NUBPL: variants seen among roughly 807,000 people sequenced by gnomAD.
The protein encoded by NUBPL is NUBP iron-sulfur cluster assembly factor, mitochondrial.
In NUBPL, 31 loss-of-function variants were observed where a neutral mutation model predicts 45.7. That is an observed-to-expected ratio of 0.68 (90% CI 0.51 to 0.92). The LOEUF (loss-of-function observed/expected upper bound fraction) is 0.92, where lower values mean the gene tolerates loss of function less well. NUBPL is among the 40% of genes least tolerant of loss of function. NUBPL has a pLI of 0.00. For synonymous variants in NUBPL, 144 were observed against 140.9 expected, an observed-to-expected ratio of 1.02 and a Z score of -0.15; for missense variants, 401 against 398.7, an observed-to-expected ratio of 1.01 and a Z score of -0.05.
At chr14:31,658,673 G>A (rs146577877) in intron 4 of NUBPL, among the ~76,000 whole-genome samples, 13 of 152,014 alleles carry the variant, frequency 8.6e-5, no homozygotes, top group Non-Finnish European at 1.6e-4. Context: ...CTACCATGCC[G>A]GCTAATCTTT....
intron 4 of NUBPL, among the ~76,000 whole-genome samples, chr14:31,635,386 G>T: frequency 6.6e-6 from 1 of 152,108 alleles, no homozygotes; most frequent in Non-Finnish European, 1.5e-5. Context: ...GTTTGTCAAA[G>T]ATCAGATAGT....
At chr14:31,724,088 C>T (rs1485556293) in intron 6 of NUBPL, among the ~76,000 whole-genome samples, 2 of 152,098 alleles carry the variant, frequency 1.3e-5, no homozygotes, top group Non-Finnish European at 2.9e-5. Flanking sequence ...TCACAAATGG[C>T]TTTTATTATT....
At chr14:31,576,662 GTCT>G (rs2033726155) in intron 3 of NUBPL, among the ~76,000 whole-genome samples, 1 of 152,192 alleles carries the variant, frequency 6.6e-6, no homozygotes, top group Non-Finnish European at 1.5e-5. Flanking sequence ...ACTATCTGCA[GTCT>G]TCTTGTCATT....
chr14:31,675,030 G>A (rs1436148503), intron 6 of NUBPL, among the ~76,000 whole-genome samples: 2 of 151,892 alleles, frequency 1.3e-5, no homozygotes, highest in African/African-American at 4.8e-5. Flanking sequence ...CCAGCTACTC[G>A]GGAGGCTGAG....
At chr14:31,805,074 A>C (rs1338948480) in intron 7 of NUBPL, among the ~76,000 whole-genome samples, 1 of 65,924 alleles carries the variant, frequency 1.5e-5, no homozygotes, top group Non-Finnish European at 5.1e-5. Flanking sequence ...TTTACAAGAC[A>C]AAAAAAAACA....
chr14:31,742,222 A>G (rs776693510), intron 6 of NUBPL, among the ~76,000 whole-genome samples: 4 of 145,286 alleles, frequency 2.8e-5, no homozygotes, highest in Non-Finnish European at 4.5e-5. Context: ...TATGAAACCA[A>G]TTTTAACTAT....
intron 7 of NUBPL, among the ~76,000 whole-genome samples, chr14:31,802,016 A>G (rs769093124): frequency 3.9e-5 from 6 of 152,238 alleles, no homozygotes; most frequent in Admixed American, 6.5e-5. Flanking sequence ...GTGTCCCACA[A>G]AAGTTCATGT....
intron 4 of NUBPL, among the ~76,000 whole-genome samples, chr14:31,666,444 T>G (rs967716486): frequency 1.3e-5 from 2 of 151,378 alleles, no homozygotes; most frequent in Non-Finnish European, 2.9e-5. Flanking sequence ...TTTATATTCT[T>G]AGTAGAGACA....
intron 3 of NUBPL, among the ~76,000 whole-genome samples, chr14:31,585,606 T>G (rs757230792): frequency 2.0e-5 from 3 of 152,186 alleles, no homozygotes; most frequent in South Asian, 2.1e-4. Flanking sequence ...TGTCTAACTG[T>G]TTGAGGAACT....
intron 6 of NUBPL, among the ~76,000 whole-genome samples, chr14:31,744,506 A>T: frequency 6.6e-6 from 1 of 152,182 alleles, no homozygotes; most frequent in African/African-American, 2.4e-5. Context: ...AAGATAAAAT[A>T]TAGTATGTAG....
intron 9 of NUBPL, among the ~76,000 whole-genome samples, chr14:31,848,169 T>G (rs1212760983): frequency 6.6e-6 from 1 of 152,198 alleles, no homozygotes; most frequent in African/African-American, 2.4e-5. Context: ...TCACAAAAAT[T>G]TGATGGTGCC....
intron 7 of NUBPL, among the ~76,000 whole-genome samples, chr14:31,816,156 T>C (rs1235184092): frequency 2.0e-5 from 3 of 152,326 alleles, no homozygotes; most frequent in East Asian, 1.9e-4. Context: ...TGTGAATCCA[T>C]CTGATCCTCG....
Position 31,841,929 on chromosome 14 carries a change from T to G in NUBPL, c.694-4542T>G, listed in dbSNP as rs1166912839. On this transcript the variant is annotated intron_variant, in intron 8 of 10. Coordinates refer to ENST00000281081, the MANE Select transcript of NUBPL (RefSeq NM_025152.3). ...GGTCGATTCTGGGCTTTTTTTTTTT[T>G]TTTTTTTTTTTTTTTTTTTGAGACG... is the stretch of plus-strand genomic sequence containing the variant. 1.2e-3 allele frequency among the ~76,000 whole-genome samples: 148 copies of G among 121,456 alleles called. 20 individuals carry two copies. The highest frequency in any genetic ancestry group is 3.9e-3 in the Middle Eastern group (1 of 258). 79.7% of individuals were successfully genotyped at this position (121,456 alleles called of 152,430 possible). A position where few individuals can be genotyped will look rare whatever the true frequency, so the allele number is the denominator to read the frequency against.
intron 4 of NUBPL, among the ~76,000 whole-genome samples, chr14:31,653,374 C>A (rs939444806): frequency 6.6e-6 from 1 of 152,140 alleles, no homozygotes; most frequent in Non-Finnish European, 1.5e-5. Flanking sequence ...AAGACAGACA[C>A]TCCCAGAGCA....
intron 4 of NUBPL, among the ~76,000 whole-genome samples, chr14:31,605,629 G>A (rs1398935466): frequency 6.6e-6 from 1 of 152,124 alleles, no homozygotes; most frequent in Non-Finnish European, 1.5e-5. Flanking sequence ...CAGAGAAGTG[G>A]AAAATCAGCT....
chr14:31,693,925 G>T (rs1021961159), intron 6 of NUBPL, among the ~76,000 whole-genome samples: 1 of 146,230 alleles, frequency 6.8e-6, no homozygotes, highest in Non-Finnish European at 1.5e-5. Flanking sequence ...GCGTGATCTG[G>T]GCTCACTGTA....
intron 6 of NUBPL, among the ~76,000 whole-genome samples, chr14:31,715,527 G>A (rs1331044286): frequency 6.6e-6 from 1 of 152,172 alleles, no homozygotes. Flanking sequence ...TGAACAGCAT[G>A]TTATTGTACT....
At chr14:31,627,366 A>G (rs1039465751) in intron 4 of NUBPL, among the ~76,000 whole-genome samples, 2 of 152,162 alleles carry the variant, frequency 1.3e-5, no homozygotes, top group African/African-American at 2.4e-5. Flanking sequence ...GTGAAAGTGT[A>G]GAAATGCAAT....
At chr14:31,709,866 C>T (rs534739941) in intron 6 of NUBPL, among the ~76,000 whole-genome samples, 28 of 152,144 alleles carry the variant, frequency 1.8e-4, no homozygotes, top group African/African-American at 3.9e-4. Flanking sequence ...GGAGGATTAT[C>T]GTTAATAGGA....
Sources: allele counts gnomAD v4.1 joint callset (sites outside exome capture counted in the v4.1 genomes callset), GRCh38; gene constraint gnomAD v4.1.1; transcripts MANE v1.5; gene names NCBI Gene and HGNC (gene_info 2026-07-23, HGNC 2026-07-21).